The following LTBP1 variants were observed in gnomAD, a reference collection of about 807,000 sequenced individuals.
The protein encoded by LTBP1 is latent-transforming growth factor beta-binding protein 1.
In LTBP1, 129 loss-of-function variants were observed where a neutral mutation model predicts 207.6. That is an observed-to-expected ratio of 0.62 (90% CI 0.54 to 0.72). The LOEUF is 0.72. Among genes scored for constraint, LTBP1 ranks in the 30% least tolerant of loss-of-function variants. The pLI is 0.00. For synonymous variants in LTBP1, 963 were observed against 833.7 expected, an observed-to-expected ratio of 1.16 and a Z score of -2.67; for missense variants, 2,281 against 2,217.2, an observed-to-expected ratio of 1.03 and a Z score of -0.58.
At chr2:33,242,390 T>C (rs1423898396) in intron 9 of LTBP1, among the ~76,000 whole-genome samples, 1 of 152,232 alleles carries the variant, frequency 6.6e-6, no homozygotes, top group Non-Finnish European at 1.5e-5. Flanking sequence ...GATCTCCATA[T>C]GCAGAGTATC....
At chr2:33,115,021 TAAAC>T (rs953506211) in intron 4 of LTBP1, among the ~76,000 whole-genome samples, 3 of 142,156 alleles carry the variant, frequency 2.1e-5, no homozygotes, top group South Asian at 2.3e-4. Context: ...GATGAAGGGA[TAAAC>T]AAACAGATAT....
At chr2:33,058,148 A>G (rs972094979) in intron 3 of LTBP1, among the ~76,000 whole-genome samples, 3 of 152,260 alleles carry the variant, frequency 2.0e-5, no homozygotes, top group Non-Finnish European at 2.9e-5. Context: ...GAAGCATTTC[A>G]TGGTCTTTCT....
Position 33,398,472 on chromosome 2 carries a change from C to G in LTBP1, c.5093C>G (p.Pro1698Arg). The change falls in exon 34 of 34, where the codon CCT becomes CGT. Residue 1698 changes from proline to arginine, a missense_variant. Pro to Arg is a moderately radical substitution (Grantham distance 103). Around this residue, in one of 3 missense-constraint regions of LTBP1, gnomAD observed 1,671 missense variants for 1,634.8 expected, o/e 1.02. Coordinates refer to ENST00000404816, the MANE Select transcript of LTBP1 (RefSeq NM_206943.4). The stretch of plus-strand genomic sequence containing the variant: ...TGTTTGTGTCTGCCAGGCTACGTGC[C>G]TTCTGACAAGCCAAACTACTGCACT... The part of the protein sequence containing the change: ...YKCLCLPGYV[P>R]SDKPNYCTPL... 1 of 1,614,182 alleles carries G rather than the reference C, an allele frequency of 6.2e-7. No individual in the cohort carries two copies. The highest frequency in any genetic ancestry group is 8.5e-7 in the Non-Finnish European group (1 of 1,180,016).
At chr2:33,056,099 G>T (rs887232279) in intron 3 of LTBP1, among the ~76,000 whole-genome samples, 8 of 151,968 alleles carry the variant, frequency 5.3e-5, no homozygotes, top group African/African-American at 1.9e-4. Context: ...TCAAGCTGCA[G>T]GATGATAGTA....
At chr2:33,174,017 G>C (rs1156245469) in intron 5 of LTBP1, among the ~76,000 whole-genome samples, 5 of 138,538 alleles carry the variant, frequency 3.6e-5, no homozygotes, top group Admixed American at 7.6e-5. Context: ...AAAATAATAA[G>C]AGCTATCTAT....
chr2:33,140,894 C>T (rs879841345), intron 5 of LTBP1, among the ~76,000 whole-genome samples: 2 of 152,080 alleles, frequency 1.3e-5, no homozygotes, highest in Non-Finnish European at 2.9e-5. Flanking sequence ...GTCTTGAACT[C>T]CTGACCCCAA....
chr2:33,338,344 C>T lies in LTBP1; in HGVS notation c.3731-4494C>T, dbSNP rs79904765. 2.3e-3 allele frequency among the ~76,000 whole-genome samples: 351 copies of T among 152,132 alleles called. 3 individuals carry two copies. Among genetic ancestry groups the T allele is most frequent in the African/African-American group, 8.2e-3 (340 of 41,494 alleles). ...ATTATTTGGTTCCTGTGCACAGTAA[C>T]GAGAAATCATCATCTGCTATAATTG... On this transcript the variant is annotated intron_variant, in intron 24 of 33. Transcript: ENST00000404816.
Position 33,105,441 on chromosome 2 carries a change from CT to C in LTBP1, c.864-5128del, listed in dbSNP as rs199792865. Among the ~76,000 whole-genome samples the C allele has an allele frequency of 5.6e-3, 815 of 144,430 alleles. 1 individual carries two copies. Among genetic ancestry groups the C allele is most frequent in the African/African-American group, 0.015 (594 of 39,532 alleles). The allele number at this position is 144,430 out of a possible 152,430, so 94.8% of individuals were successfully genotyped here. A position where few individuals can be genotyped will look rare whatever the true frequency, so the allele number is the denominator to read the frequency against. On this transcript the variant is annotated intron_variant, in intron 3 of 33. Transcript: ENST00000404816. ...ACTTCAAATCATATGTGATCTTCTG[CT>C]TTTTTTTTTTTTGAGACAGAGTCTC...
intron 7 of LTBP1, among the ~76,000 whole-genome samples, chr2:33,201,399 A>G (rs1476650897): frequency 6.9e-6 from 1 of 144,478 alleles, no homozygotes; most frequent in Non-Finnish European, 1.5e-5. Flanking sequence ...AACACCGCAT[A>G]TTCTCACTCA....
At chr2:33,100,062 C>A (rs924233480) in intron 3 of LTBP1, among the ~76,000 whole-genome samples, 10 of 152,224 alleles carry the variant, frequency 6.6e-5, no homozygotes, top group African/African-American at 2.4e-4. Flanking sequence ...GGGGAGTGAG[C>A]AAAATTAGGC....
At chr2:33,038,059 C>CA (rs1175118869) in intron 3 of LTBP1, among the ~76,000 whole-genome samples, 30 of 152,208 alleles carry the variant, frequency 2.0e-4, no homozygotes, top group Admixed American at 1.8e-3. Flanking sequence ...GAGGAGAGCA[C>CA]TTGTGTCTGC....
intron 26 of LTBP1, among the ~76,000 whole-genome samples, chr2:33,349,562 A>G (rs969739389): frequency 2.6e-5 from 4 of 152,118 alleles, no homozygotes; most frequent in Non-Finnish European, 1.5e-5. Flanking sequence ...CCCATCTGTT[A>G]TGTATTACTT....
intron 3 of LTBP1, among the ~76,000 whole-genome samples, chr2:33,074,697 C>T (rs758193911): frequency 2.6e-5 from 4 of 151,874 alleles, no homozygotes; most frequent in Non-Finnish European, 5.9e-5. Context: ...GGTGAAACCC[C>T]GTCTCTACTA....
intron 4 of LTBP1, among the ~76,000 whole-genome samples, chr2:33,116,161 A>G (rs370410642): frequency 1.3e-5 from 2 of 152,324 alleles, no homozygotes; most frequent in East Asian, 3.9e-4. Context: ...AAGAAGAACT[A>G]AAAGATTAGC....
intron 3 of LTBP1, among the ~76,000 whole-genome samples, chr2:33,100,665 A>G (rs1284516988): frequency 6.6e-6 from 1 of 152,106 alleles, no homozygotes; most frequent in East Asian, 1.9e-4. Flanking sequence ...CACCCCAAGG[A>G]GAAACTCTAC....
At chr2:33,080,446 C>A (rs556156685) in intron 3 of LTBP1, among the ~76,000 whole-genome samples, 2 of 152,082 alleles carry the variant, frequency 1.3e-5, no homozygotes, top group African/African-American at 4.8e-5. Flanking sequence ...CTACTTAAGT[C>A]TAATGTTCTT....
chr2:33,006,826 C>G (rs961546312), intron 2 of LTBP1, among the ~76,000 whole-genome samples: 1 of 152,090 alleles, frequency 6.6e-6, no homozygotes, highest in African/African-American at 2.4e-5. Context: ...AGTTATACCA[C>G]ATTTTCACAG....
chr2:32,998,601 A>T (rs74899461), intron 2 of LTBP1, among the ~76,000 whole-genome samples: 2,072 of 151,060 alleles, frequency 0.014, 19 homozygotes, highest in Non-Finnish European at 0.02. Flanking sequence ...GAATGTTATG[A>T]ACTGCAAAAT....
chr2:33,196,837 T>C (rs1198879288), intron 7 of LTBP1, among the ~76,000 whole-genome samples: 1 of 152,176 alleles, frequency 6.6e-6, no homozygotes, highest in Non-Finnish European at 1.5e-5. Context: ...GTTTTCGAGA[T>C]GGAATGCTAG....
Sources: allele counts gnomAD v4.1 joint callset (sites outside exome capture counted in the v4.1 genomes callset), GRCh38; gene constraint gnomAD v4.1.1; regional missense constraint gnomAD v4.1.1; transcripts MANE v1.5; gene names NCBI Gene and HGNC (gene_info 2026-07-23, HGNC 2026-07-21).